The following ASH2L variants were observed in gnomAD, a reference collection of about 807,000 sequenced individuals.
The protein encoded by ASH2L is ASH2 like, histone lysine methyltransferase complex subunit.
A neutral mutation model predicts 81.1 loss-of-function variants in ASH2L; 30 were observed. The observed-to-expected ratio is 0.37, with a 90% confidence interval of 0.28 to 0.50. The LOEUF (loss-of-function observed/expected upper bound fraction) is 0.50, where lower values mean the gene tolerates loss of function less well. Ranked by LOEUF, ASH2L falls within the 20% of genes least tolerant of loss-of-function variation. The pLI is 0.95. For missense variants in ASH2L, 559 were observed against 792.1 expected (o/e 0.71, Z 3.53); for synonymous variants, 273 against 279.9 (o/e 0.98, Z 0.24).
intron 12 of ASH2L, among the ~76,000 whole-genome samples, chr8:38,133,044 A>AC (rs1321800534): frequency 1.3e-5 from 2 of 151,824 alleles, no homozygotes; most frequent in African/African-American, 4.8e-5. Context: ...AAGAGATCAC[A>AC]CCATTGCACT....
Position 38,133,537 on chromosome 8 carries a change from C to A in ASH2L, c.1611C>A (p.Pro537=). The change falls in exon 13 of 16, where the codon CCC becomes CCA. Residue 537 remains proline (P), a synonymous_variant. Coordinates refer to ENST00000343823, the MANE Select transcript of ASH2L (RefSeq NM_004674.5). The stretch of plus-strand genomic sequence containing the variant: ...CAGAGAAGAGCCTGAAGCAGACTCC[C>A]CATAGTGAGGTGAGTCATGGCCATA... ...DKAEKSLKQT[P]HSEIIFYKNG... The A allele has an allele frequency of 6.2e-7, 1 of 1,608,628 alleles. No individual in the cohort carries two copies. The highest frequency in any genetic ancestry group is 1.1e-5 in the South Asian group (1 of 90,676).
intron 12 of ASH2L, among the ~76,000 whole-genome samples, chr8:38,129,412 C>T (rs945049934): frequency 3.9e-5 from 6 of 152,152 alleles, no homozygotes; most frequent in Non-Finnish European, 8.8e-5. Flanking sequence ...GGGAGGACTG[C>T]TTGAGCCCAC....
chr8:38,105,528 C>A (rs1270716371), upstream of ASH2L: 3 of 1,530,606 alleles, frequency 2.0e-6, no homozygotes, highest in Admixed American at 2.2e-5. Context: ...AGTATTCTCG[C>A]GAGAAGTCCA....
chr8:38,122,730 A>G (rs528756609), intron 10 of ASH2L, among the ~76,000 whole-genome samples: 14 of 151,816 alleles, frequency 9.2e-5, no homozygotes, highest in Non-Finnish European at 2.1e-4. Context: ...AATTATCTAC[A>G]ATATATTTAC....
At chr8:38,106,159 C>T in intron 1 of ASH2L, 2 of 1,531,180 alleles carry the variant, frequency 1.3e-6, no homozygotes, top group East Asian at 2.5e-5. Context: ...ACTGTAAAGG[C>T]CGGTTAGGCT....
chr8:38,130,955 TCTTTC>T (rs780888645), intron 12 of ASH2L, among the ~76,000 whole-genome samples: 3 of 152,234 alleles, frequency 2.0e-5, no homozygotes, highest in Non-Finnish European at 4.4e-5. Context: ...ATATGTTAAC[TCTTTC>T]CTTTCTCCAC....
At chr8:38,116,435 A>G (rs1274947144) in intron 7 of ASH2L, among the ~76,000 whole-genome samples, 1 of 152,148 alleles carries the variant, frequency 6.6e-6, no homozygotes, top group Non-Finnish European at 1.5e-5. Context: ...CGGGAGGGTA[A>G]ACCAAGAGAA....
chr8:38,110,291 G>A (rs1283460179), intron 3 of ASH2L, 88 bp from the exon 4 acceptor site: 8 of 1,002,140 alleles, frequency 8.0e-6, no homozygotes, highest in Non-Finnish European at 1.3e-5. Flanking sequence ...CAGCCTGAGT[G>A]GTAGAGTGAG....
chr8:38,119,151 G>C (rs1366390466), intron 8 of ASH2L, 119 bp from the exon 9 acceptor site: 2 of 867,258 alleles, frequency 2.3e-6, no homozygotes, highest in African/African-American at 1.8e-5. Flanking sequence ...CCTTTGGAAG[G>C]AAATCCTCCT....
Position 38,105,560 on chromosome 8 carries a change from G to A in ASH2L, c.10G>A (p.Ala4Thr). 1.3e-6 allele frequency: 2 copies of A among 1,569,420 alleles called. No homozygotes were observed. The highest frequency in any genetic ancestry group is 1.4e-5 in the African/African-American group (1 of 73,308). Residue 4 changes from alanine to threonine, a missense_variant, in exon 1 of 16, where the codon GCA (alanine) becomes ACA (threonine). Transcript: ENST00000343823. ...TCCAGGGGTGGCCGTGATGGCGGCG[G>A]CAGGAGCAGGACCTGGCCAGGAAGC... MAA[A>T]GAGPGQEAGA...
intron 13 of ASH2L, among the ~76,000 whole-genome samples, chr8:38,134,590 G>A (rs1189513676): frequency 6.6e-6 from 1 of 152,132 alleles, no homozygotes; most frequent in Non-Finnish European, 1.5e-5. Flanking sequence ...TGGCACATCT[G>A]GGCCAGCCAC....
chr8:38,107,721 T>A (rs533004752), intron 3 of ASH2L, among the ~76,000 whole-genome samples: 1 of 152,294 alleles, frequency 6.6e-6, no homozygotes. Flanking sequence ...ATACTGACTG[T>A]CTGTTGGAAT....
At chr8:38,105,868 T>A in intron 1 of ASH2L, 130 bp downstream of exon 1, 1 of 1,439,590 alleles carries the variant, frequency 6.9e-7, no homozygotes, top group Non-Finnish European at 9.1e-7. Context: ...GCCCTGCCTC[T>A]GCGCCGCTTG....
intron 14 of ASH2L, among the ~76,000 whole-genome samples, chr8:38,136,887 T>C (rs1358708555): frequency 1.5e-5 from 2 of 137,298 alleles, no homozygotes; most frequent in African/African-American, 2.8e-5. Flanking sequence ...AGGTCAGGAG[T>C]TCAAGACCAG....
rs539322046 is a variant in ASH2L, at chr8:38,128,892, A to G, written c.1468A>G (p.Ile490Val). 1 of 1,613,976 alleles carries G rather than the reference A, an allele frequency of 6.2e-7. No individual in the cohort carries two copies. The highest frequency in any genetic ancestry group is 8.5e-7 in the Non-Finnish European group (1 of 1,180,016). Reference sequence around the variant, plus strand: ...ACAGGGAGACGTCCTGGGATTTTATATTAATCTTCCTGAAGACACAGAGAC... The same window carrying G: ...ACAGGGAGACGTCCTGGGATTTTATGTTAATCTTCCTGAAGACACAGAGAC... ...YGQGDVLGFY[I>V]NLPEDTETAK... Residue 490 changes from isoleucine to valine, a missense_variant, in exon 12 of 16, where the codon ATT (isoleucine) becomes GTT (valine). This residue lies in a region of ASH2L where 318 missense variants were observed against 527.0 expected (regional missense o/e 0.60). Transcript: ENST00000343823.
At position 38,114,836 on chromosome 8, in the gene ASH2L, G is replaced by A. The variant is rs1338809072; in HGVS notation, c.682-69G>A. ...CTAGGAATTGACTTTTAGAGTTAGT[G>A]GTTGATTATTAATTCCATACTTTTA... On this transcript the variant is annotated intron_variant, in intron 6 of 15. Coordinates refer to ENST00000343823, the MANE Select transcript of ASH2L (RefSeq NM_004674.5). The A allele has an allele frequency of 9.9e-6, 10 of 1,011,358 alleles. No individual in the cohort carries two copies. The East Asian group carries it at 2.2e-4, about 23-fold the overall frequency. 62.6% of individuals were successfully genotyped at this position (1,011,358 alleles called of 1,614,324 possible).
At chr8:38,126,786 G>A (rs563438023) in intron 10 of ASH2L, among the ~76,000 whole-genome samples, 21 of 149,182 alleles carry the variant, frequency 1.4e-4, no homozygotes, top group African/African-American at 4.9e-4. Flanking sequence ...CCCGGGAGGC[G>A]GAGCTTGCAG....
intron 14 of ASH2L, among the ~76,000 whole-genome samples, chr8:38,136,314 C>G (rs1022411520): frequency 6.6e-5 from 10 of 151,104 alleles, no homozygotes; most frequent in Non-Finnish European, 1.2e-4. Flanking sequence ...AAGCAGTTCT[C>G]CCAGCTCAGC....
At chr8:38,120,697 T>C (rs547220952) in intron 9 of ASH2L, among the ~76,000 whole-genome samples, 3 of 133,550 alleles carry the variant, frequency 2.2e-5, no homozygotes, top group Admixed American at 8.9e-5. Flanking sequence ...ACTGGGAAGA[T>C]ATCCACAATC....
Sources: allele counts gnomAD v4.1 joint callset (sites outside exome capture counted in the v4.1 genomes callset), GRCh38; gene constraint gnomAD v4.1.1; regional missense constraint gnomAD v4.1.1; transcripts MANE v1.5; gene names NCBI Gene and HGNC (gene_info 2026-07-23, HGNC 2026-07-21).